KCNH7: variants seen among roughly 807,000 people sequenced by gnomAD.
KCNH7 encodes the protein voltage-gated inwardly rectifying potassium channel KCNH7.
KCNH7 carries 49 observed loss-of-function variants against 120.8 expected under a neutral mutation model. The ratio of observed to expected loss-of-function variants is 0.41; its 90% CI spans 0.32 to 0.51. The LOEUF is 0.51. Among genes scored for constraint, KCNH7 ranks in the 20% least tolerant of loss-of-function variants. The pLI, the probability that KCNH7 is intolerant of heterozygous loss-of-function variation, is 0.38. For missense variants in KCNH7, 1,097 were observed against 1,446.6 expected, an observed-to-expected ratio of 0.76 and a Z score of 3.92; for synonymous variants, 547 against 516.1, an observed-to-expected ratio of 1.06 and a Z score of -0.81.
chr2:162,609,188 C>T (rs12692651), intron 2 of KCNH7, among the ~76,000 whole-genome samples: 96,058 of 151,964 alleles, frequency 0.63, 31,821 homozygotes, highest in African/African-American at 0.83. Context: ...GTATCCTCTA[C>T]GTTCCCCATG....
Position 162,513,467 on chromosome 2 carries a change from CTCCTTCCTTCCT to C in KCNH7, c.893-805_893-794del, listed in dbSNP as rs66776235. Among the ~76,000 whole-genome samples the C allele has an allele frequency of 8.5e-3, 889 of 104,666 alleles. 80 individuals are homozygous for C. The East Asian group carries it at 0.2, about 24-fold the overall frequency. 68.7% of individuals were successfully genotyped at this position (104,666 alleles called of 152,430 possible). ...CTTCCTTCCTTCTCTCCTTCCCTCC[CTCCTTCCTTCCT>C]TCCTTCCTTCCTTCCTTCCTTCCTT... On this transcript the variant is annotated intron_variant, in intron 4 of 15. Coordinates refer to ENST00000332142, the MANE Select transcript of KCNH7 (RefSeq NM_033272.4).
intron 2 of KCNH7, among the ~76,000 whole-genome samples, chr2:162,670,546 T>C (rs902855176): frequency 6.7e-6 from 1 of 149,654 alleles, no homozygotes; most frequent in Admixed American, 6.6e-5. Flanking sequence ...TTTAAATTAC[T>C]AGAAAATAAT....
At chr2:162,613,019 G>C (rs1683021009) in intron 2 of KCNH7, among the ~76,000 whole-genome samples, 1 of 151,792 alleles carries the variant, frequency 6.6e-6, no homozygotes, top group Non-Finnish European at 1.5e-5. Flanking sequence ...TATTTACTTG[G>C]GCTTCTGGTA....
intron 2 of KCNH7, among the ~76,000 whole-genome samples, chr2:162,780,854 G>A (rs1683454613): frequency 6.6e-6 from 1 of 152,048 alleles, no homozygotes; most frequent in Non-Finnish European, 1.5e-5. Context: ...TTTAGAGTAT[G>A]ATTTGATCCC....
intron 2 of KCNH7, among the ~76,000 whole-genome samples, chr2:162,570,346 T>A (rs968425399): frequency 6.6e-6 from 1 of 151,946 alleles, no homozygotes; most frequent in Non-Finnish European, 1.5e-5. Context: ...GAGACTAGGA[T>A]TGCAACCCTT....
chr2:162,818,608 T>C (rs1341213826), intron 2 of KCNH7, among the ~76,000 whole-genome samples: 1 of 152,202 alleles, frequency 6.6e-6, no homozygotes, highest in Non-Finnish European at 1.5e-5. Context: ...TTTAGTCTGC[T>C]ATAATTTTGG....
At chr2:162,708,997 T>G (rs983219233) in intron 2 of KCNH7, among the ~76,000 whole-genome samples, 1 of 152,200 alleles carries the variant, frequency 6.6e-6, no homozygotes, top group African/African-American at 2.4e-5. Flanking sequence ...ATTATACAAA[T>G]GAAAGAATCA....
At chr2:162,443,900 T>C (rs1221857121) in intron 7 of KCNH7, among the ~76,000 whole-genome samples, 2 of 152,198 alleles carry the variant, frequency 1.3e-5, no homozygotes, top group Admixed American at 1.3e-4. Flanking sequence ...CATCTTTCTG[T>C]TCCTCTACCA....
intron 2 of KCNH7, among the ~76,000 whole-genome samples, chr2:162,766,570 T>C (rs569827921): frequency 2.4e-4 from 36 of 152,154 alleles, no homozygotes; most frequent in Admixed American, 2.0e-4. Context: ...GAGAACTGTT[T>C]GTTTGATTCC....
chr2:162,624,543 A>G (rs925696322), intron 2 of KCNH7, among the ~76,000 whole-genome samples: 8 of 152,132 alleles, frequency 5.3e-5, no homozygotes, highest in African/African-American at 1.7e-4. Flanking sequence ...GTCATTAACC[A>G]CCAGACAATG....
intron 6 of KCNH7, among the ~76,000 whole-genome samples, chr2:162,478,850 CAG>C (rs1689832071): frequency 6.6e-6 from 1 of 152,168 alleles, no homozygotes; most frequent in Non-Finnish European, 1.5e-5. Context: ...TGACCTACTT[CAG>C]AGTTTCTTTT....
chr2:162,434,085 T>C (rs1034152978), intron 8 of KCNH7, among the ~76,000 whole-genome samples: 6 of 152,002 alleles, frequency 3.9e-5, no homozygotes, highest in Admixed American at 3.3e-4. Context: ...TGCAGCAACA[T>C]GGCGGCAGCT....
chr2:162,762,422 G>A (rs1435137804), intron 2 of KCNH7, among the ~76,000 whole-genome samples: 1 of 151,810 alleles, frequency 6.6e-6, no homozygotes, highest in East Asian at 1.9e-4. Context: ...AAGGAGATGT[G>A]GAGAGAAGAA....
intron 2 of KCNH7, among the ~76,000 whole-genome samples, chr2:162,650,209 T>C (rs1180816286): frequency 2.0e-5 from 3 of 152,184 alleles, no homozygotes; most frequent in African/African-American, 7.2e-5. Flanking sequence ...GAATTCAGCA[T>C]GGCTAAAGCT....
intron 6 of KCNH7, among the ~76,000 whole-genome samples, chr2:162,465,137 GT>G (rs1689267073): frequency 6.6e-6 from 1 of 152,044 alleles, no homozygotes; most frequent in Non-Finnish European, 1.5e-5. Flanking sequence ...TCATTTTGTT[GT>G]GGACAGTATT....
rs546103695 is a variant in KCNH7, at chr2:162,645,678, G to T, written c.308-108598C>A. On this transcript the variant is annotated intron_variant, in intron 2 of 15. Coordinates refer to ENST00000332142, the MANE Select transcript of KCNH7 (RefSeq NM_033272.4). The stretch of plus-strand genomic sequence containing the variant: ...TGTATTTCTCCCCTACTTTCCTAGA[G>T]ACTGACTTCCTTTGCAAAAGAGGAT... 1.8e-4 allele frequency among the ~76,000 whole-genome samples: 27 copies of T among 152,168 alleles called. 1 individual carries two copies. The South Asian group carries it at 5.4e-3, about 30-fold the overall frequency.
chr2:162,765,712 G>A (rs1273614909), intron 2 of KCNH7, among the ~76,000 whole-genome samples: 1 of 152,084 alleles, frequency 6.6e-6, no homozygotes, highest in Non-Finnish European at 1.5e-5. Flanking sequence ...TACAATAAAT[G>A]AATGAATTTT....
intron 2 of KCNH7, among the ~76,000 whole-genome samples, chr2:162,767,119 C>G (rs1258801625): frequency 6.6e-6 from 1 of 152,000 alleles, no homozygotes; most frequent in Non-Finnish European, 1.5e-5. Context: ...ATTTATTTAA[C>G]CCATATCATA....
chr2:162,489,360 G>C (rs1690214371), intron 6 of KCNH7, among the ~76,000 whole-genome samples: 1 of 151,892 alleles, frequency 6.6e-6, no homozygotes, highest in East Asian at 1.9e-4. Context: ...TAACACTAAT[G>C]ATAGCCGATG....
Sources: allele counts gnomAD v4.1 joint callset (sites outside exome capture counted in the v4.1 genomes callset), GRCh38; gene constraint gnomAD v4.1.1; transcripts MANE v1.5; gene names NCBI Gene and HGNC (gene_info 2026-07-23, HGNC 2026-07-21).